The following ANKEF1 variants were observed in gnomAD, a reference collection of about 807,000 sequenced individuals.
ANKEF1 encodes ankyrin repeat and EF-hand domain containing 1, also known as ankyrin repeat and EF-hand domain-containing protein 1.
A neutral mutation model predicts 65.1 loss-of-function variants in ANKEF1; 43 were observed. That is an observed-to-expected ratio of 0.66 (90% CI 0.52 to 0.85). ANKEF1 has a LOEUF of 0.85. Ranked by LOEUF, ANKEF1 falls within the 40% of genes least tolerant of loss-of-function variation. ANKEF1 has a pLI of 0.00. For missense variants in ANKEF1, 934 were observed against 952.9 expected (o/e 0.98, Z 0.26); for synonymous variants, 316 against 341.5 (o/e 0.93, Z 0.82).
chr20:10,043,064 C>A, intron 3 of ANKEF1, 58 bp from the exon 4 acceptor site: 1 of 1,522,778 alleles, frequency 6.6e-7, no homozygotes, highest in African/African-American at 1.4e-5. Flanking sequence ...TTTTACTTTC[C>A]TTCCTGTCAA....
At chr20:10,051,989 C>A in intron 8 of ANKEF1, 100 bp downstream of exon 8, 1 of 884,098 alleles carries the variant, frequency 1.1e-6, no homozygotes, top group Non-Finnish European at 1.7e-6. Flanking sequence ...GCATTGTCCA[C>A]TGGGTTCCTG....
Position 10,049,679 on chromosome 20 carries a change from A to G in ANKEF1, c.1110A>G (p.Ala370=). The G allele has an allele frequency of 6.2e-7, 1 of 1,614,166 alleles. No homozygotes were observed. ...TGTTGGAGGAAAGGCAGGATTATGC[A>G]AGCTCAGAACAGCTGGCTGCCATCG... The part of the protein sequence containing the change: ...VMVLEERQDY[A]SSEQLAAIAH... The change falls in exon 7 of 11, where the codon GCA becomes GCG. Residue 370 remains alanine (A), a synonymous_variant. Coordinates refer to ENST00000378392, the MANE Select transcript of ANKEF1 (RefSeq NM_022096.6).
In ANKEF1 at chr20:10,056,952, A is replaced by G. The variant is rs541824046; in HGVS notation, c.*1292A>G. On this transcript the variant is annotated 3_prime_UTR_variant, in exon 11 of 11. Coordinates refer to ENST00000378392, the MANE Select transcript of ANKEF1 (RefSeq NM_022096.6). ...GTTACTGGGTGCTACAACCTAGCCA[A>G]GTTGAGTCATAAAACTGACCATCTC... 1.2e-4 allele frequency: 19 copies of G among 152,308 alleles called. No homozygotes were observed. Among genetic ancestry groups the G allele is most frequent in the Non-Finnish European group, 2.2e-4 (15 of 68,038 alleles). The allele number at this position is 152,308 out of a possible 1,614,324, so 9.4% of individuals were successfully genotyped here.
chr20:10,047,537 C>T (rs141996031), intron 6 of ANKEF1, among the ~76,000 whole-genome samples: 31 of 152,314 alleles, frequency 2.0e-4, no homozygotes, highest in African/African-American at 6.7e-4. Context: ...TGGCTGGATT[C>T]ATTTCTCACA....
chr20:10,045,957 G>A (rs1984500539), intron 6 of ANKEF1, among the ~76,000 whole-genome samples: 2 of 152,130 alleles, frequency 1.3e-5, no homozygotes, highest in South Asian at 4.1e-4. Flanking sequence ...TTGTTCCTGA[G>A]CCAACTAATT....
intron 7 of ANKEF1, among the ~76,000 whole-genome samples, chr20:10,050,665 G>A (rs1307793896): frequency 6.6e-6 from 1 of 152,196 alleles, no homozygotes; most frequent in Non-Finnish European, 1.5e-5. Context: ...TATGCATGAA[G>A]TGAAGGCCAG....
chr20:10,041,230 G>C (rs1984170463), intron 3 of ANKEF1, among the ~76,000 whole-genome samples: 1 of 151,266 alleles, frequency 6.6e-6, no homozygotes, highest in African/African-American at 2.4e-5. Flanking sequence ...GTATATGTGT[G>C]TTTTTCTTTA....
chr20:10,055,721 A>G lies in ANKEF1; in HGVS notation c.*61A>G, dbSNP rs975518600. 1.3e-6 allele frequency: 2 copies of G among 1,575,946 alleles called. No individual in the cohort carries two copies. The highest frequency in any genetic ancestry group is 1.4e-5 in the African/African-American group (1 of 73,836). ...GGCCCAGGGACCAATCTTTGGAGAA[A>G]GTAGATATTTCCATCAAAGCCAAAG... On this transcript the variant is annotated 3_prime_UTR_variant, in exon 11 of 11. Coordinates refer to ENST00000378392, the MANE Select transcript of ANKEF1 (RefSeq NM_022096.6).
In ANKEF1 at chr20:10,049,509, G is replaced by C. The variant is rs1186953287; in HGVS notation, c.940G>C (p.Ala314Pro). The change falls in exon 7 of 11, where the codon GCC (alanine) becomes CCC (proline). Residue 314 changes from alanine (A) to proline (P), a missense_variant. Ala to Pro is a conservative substitution (Grantham distance 27). Coordinates refer to ENST00000378392, the MANE Select transcript of ANKEF1 (RefSeq NM_022096.6). ...AGCAGAGAGAATCGCTAATAAACTAGCCAGGCCAGGAGCCAAAAATCCAAA... is the reference window on the plus strand; with the variant it reads ...AGCAGAGAGAATCGCTAATAAACTACCCAGGCCAGGAGCCAAAAATCCAAA... ...RRAERIANKL[A>P]RPGAKNPNPL... 1 of 1,614,112 alleles carries C rather than the reference G, an allele frequency of 6.2e-7. No homozygotes were observed. The highest frequency in any genetic ancestry group is 2.2e-5 in the East Asian group (1 of 44,860).
intron 2 of ANKEF1, among the ~76,000 whole-genome samples, chr20:10,037,011 G>A (rs1175290031): frequency 6.6e-6 from 1 of 152,156 alleles, no homozygotes; most frequent in Non-Finnish European, 1.5e-5. Flanking sequence ...AGGCGATGGA[G>A]ATGTTGTGGT....
intron 6 of ANKEF1, among the ~76,000 whole-genome samples, chr20:10,046,983 A>G (rs1023713879): frequency 3.3e-5 from 5 of 152,176 alleles, no homozygotes; most frequent in Non-Finnish European, 5.9e-5. Flanking sequence ...AACTGTCTTA[A>G]TTGGTTTTGT....
intron 3 of ANKEF1, chr20:10,040,646 T>A (rs932964052): frequency 3.3e-5 from 5 of 152,228 alleles, no homozygotes; most frequent in African/African-American, 1.2e-4. Flanking sequence ...CAGTCCTCAA[T>A]GCCGTATGCC....
At chr20:10,045,778 A>T (rs957199583) in intron 6 of ANKEF1, 81 bp downstream of exon 6, 1 of 1,466,066 alleles carries the variant, frequency 6.8e-7, no homozygotes, top group Non-Finnish European at 9.4e-7. Flanking sequence ...TGGGCCTATC[A>T]CTTGTCAGTG....
At chr20:10,053,297 C>T in intron 9 of ANKEF1, 22 bp downstream of exon 9, 1 of 1,573,220 alleles carries the variant, frequency 6.4e-7, no homozygotes, top group Non-Finnish European at 8.6e-7. Context: ...GGTTGACTAC[C>T]CATTAGTAAC....
chr20:10,036,609 A>G (rs1001950372), intron 2 of ANKEF1, among the ~76,000 whole-genome samples: 2 of 152,216 alleles, frequency 1.3e-5, no homozygotes, highest in Admixed American at 6.5e-5. Flanking sequence ...TGGGAGGCTG[A>G]GGCGGGTGGA....
intron 8 of ANKEF1, among the ~76,000 whole-genome samples, chr20:10,052,418 A>T (rs2122273754): frequency 6.6e-6 from 1 of 152,304 alleles, no homozygotes; most frequent in South Asian, 2.1e-4. Flanking sequence ...CAATTCCTGA[A>T]TTGAGGCTTC....
chr20:10,039,930 A>G (rs1984074665), intron 3 of ANKEF1, among the ~76,000 whole-genome samples: 1 of 152,172 alleles, frequency 6.6e-6, no homozygotes, highest in South Asian at 2.1e-4. Flanking sequence ...CGTTTAACTT[A>G]CTGAGTTTGA....
Position 10,053,165 on chromosome 20 carries a change from C to G in ANKEF1, c.1924C>G (p.Leu642Val). 6.2e-7 allele frequency: 1 copy of G among 1,613,180 alleles called. No individual in the cohort carries two copies. Among genetic ancestry groups the G allele is most frequent in the Non-Finnish European group, 8.5e-7 (1 of 1,179,584 alleles). Reference sequence around the variant, plus strand: ...ATATGCTGATTATAGAATAATTGATCTGATTAAAGAAAAGCTAGATAACTT... The same window carrying G: ...ATATGCTGATTATAGAATAATTGATGTGATTAAAGAAAAGCTAGATAACTT... ...KAYADYRIIDLIKEKLDNLPK... is the reference protein window; with the variant it reads ...KAYADYRIIDVIKEKLDNLPK... The change falls in exon 9 of 11, where the codon CTG becomes GTG. Residue 642 changes from leucine (L) to valine (V), a missense_variant. Transcript: ENST00000378392.
In ANKEF1 at chr20:10,044,544, G is replaced by A. The variant is rs1600515006; in HGVS notation, c.696+1G>A. ...TGCTGCTAAAGGAGGCTTTTTCGAT[G>A]TAATAATCTATTCTTTGCTTTAAAA... On this transcript the variant is annotated splice_donor_variant, in intron 5 of 10. Coordinates refer to ENST00000378392, the MANE Select transcript of ANKEF1 (RefSeq NM_022096.6). LOFTEE classifies it high-confidence loss of function. 1 of 1,613,380 alleles carries A rather than the reference G, an allele frequency of 6.2e-7. No homozygotes were observed. The highest frequency in any genetic ancestry group is 8.5e-7 in the Non-Finnish European group (1 of 1,179,800).
Sources: gnomAD v4.1 joint callset for allele counts (sites outside exome capture counted in the v4.1 genomes callset) on GRCh38, gnomAD v4.1.1 for gene constraint, MANE v1.5 for transcripts, NCBI Gene and HGNC (gene_info 2026-07-23, HGNC 2026-07-21) for gene names.